The following CHD9 variants were observed in gnomAD, a reference collection of about 807,000 sequenced individuals.
CHD9 encodes ATP-dependent chromatin remodeler CHD9.
Under a neutral mutation model 316.1 loss-of-function variants are expected in CHD9, and 77 were observed. The ratio of observed to expected loss-of-function variants is 0.24; its 90% CI spans 0.20 to 0.29. The LOEUF is 0.29. CHD9 is among the 10% of genes least tolerant of loss of function. The pLI, the probability that CHD9 is intolerant of heterozygous loss-of-function variation, is 1.00. For synonymous variants in CHD9, 1,129 were observed against 1,158.3 expected, an observed-to-expected ratio of 0.97 and a Z score of 0.51; for missense variants, 2,763 against 3,438.1, an observed-to-expected ratio of 0.80 and a Z score of 4.91.
intron 3 of CHD9, among the ~76,000 whole-genome samples, chr16:53,210,076 T>C (rs2046207338): frequency 6.6e-6 from 1 of 152,148 alleles, no homozygotes; most frequent in Non-Finnish European, 1.5e-5. Context: ...AATATTTCAG[T>C]ATACGAATCA....
Position 53,261,359 on chromosome 16 carries a change from C to CTTTTTT in CHD9, c.4210-1607_4210-1602dup, listed in dbSNP as rs1195811638. Among the ~76,000 whole-genome samples, 56 of 61,882 alleles carry CTTTTTT rather than the reference C, an allele frequency of 9.0e-4. 3 individuals carry two copies. The highest frequency in any genetic ancestry group is 2.5e-3 in the South Asian group (3 of 1,208). 40.6% of individuals were successfully genotyped at this position (61,882 alleles called of 152,430 possible). On this transcript the variant is annotated intron_variant, in intron 19 of 38. Transcript: ENST00000447540. The stretch of plus-strand genomic sequence containing the variant: ...GCCTTTTAATTTTTGGTGTTTTAGA[C>CTTTTTT]TTTTTTTTTTTTTTTTTTTTTTTTT...
chr16:53,247,087 C>G (rs1365593764), intron 15 of CHD9, among the ~76,000 whole-genome samples: 1 of 152,126 alleles, frequency 6.6e-6, no homozygotes, highest in African/African-American at 2.4e-5. Context: ...TGTTTAAGAC[C>G]TTGTCTGTGT....
At chr16:53,275,180 A>G (rs2052690870) in intron 24 of CHD9, among the ~76,000 whole-genome samples, 1 of 152,030 alleles carries the variant, frequency 6.6e-6, no homozygotes, top group African/African-American at 2.4e-5. Context: ...TACAGGTGCC[A>G]TCACACCTGC....
intron 1 of CHD9, among the ~76,000 whole-genome samples, chr16:53,091,003 C>CA (rs993855415): frequency 2.2e-4 from 32 of 144,430 alleles, no homozygotes; most frequent in South Asian, 8.4e-4. Context: ...AACAGCTCAC[C>CA]CCCCCCCGAC....
chr16:53,079,247 T>C (rs1259308783), intron 1 of CHD9, among the ~76,000 whole-genome samples: 3 of 152,174 alleles, frequency 2.0e-5, no homozygotes, highest in African/African-American at 7.2e-5. Flanking sequence ...CCCAGATTGC[T>C]TTCTATTAAA....
Position 53,263,063 on chromosome 16 carries a change from A to G in CHD9, c.4286A>G (p.Lys1429Arg). Residue 1429 changes from lysine to arginine, a missense_variant, in exon 20 of 39, where the codon AAG (lysine) becomes AGG (arginine). Coordinates refer to ENST00000447540, the MANE Select transcript of CHD9 (RefSeq NM_001308319.2). ...AACTTCTGGCAAAAATGGGCTAAAA[A>G]GGCAGAAATAGATATAGAGGCCATC... is the stretch of plus-strand genomic sequence containing the variant. Reference protein sequence around the residue: ...DPNFWQKWAKKAEIDIEAISG... With the variant: ...DPNFWQKWAKRAEIDIEAISG... 3 of 1,612,856 alleles carry G rather than the reference A, an allele frequency of 1.9e-6. No individual in the cohort carries two copies. The highest frequency in any genetic ancestry group is 2.5e-6 in the Non-Finnish European group (3 of 1,179,136).
intron 8 of CHD9, among the ~76,000 whole-genome samples, chr16:53,230,659 G>A (rs915372904): frequency 5.3e-5 from 8 of 152,024 alleles, no homozygotes; most frequent in Non-Finnish European, 8.8e-5. Flanking sequence ...GTAAAGGAGC[G>A]ATATATAAGA....
At chr16:53,146,415 G>GTATATA (rs149684203) in intron 1 of CHD9, among the ~76,000 whole-genome samples, 3 of 64,428 alleles carry the variant, frequency 4.7e-5, no homozygotes, top group East Asian at 4.7e-4. Flanking sequence ...GTGTGTGTGT[G>GTATATA]TATGTATATA....
chr16:53,227,331 C>A, intron 5 of CHD9, 65 bp from the exon 6 acceptor site: 1 of 999,952 alleles, frequency 1.0e-6, no homozygotes, highest in Non-Finnish European at 1.5e-6. Context: ...CATCAACATA[C>A]AAAGTGGCAA....
chr16:53,119,119 C>A (rs1215610040), intron 1 of CHD9, among the ~76,000 whole-genome samples: 1 of 151,520 alleles, frequency 6.6e-6, no homozygotes, highest in East Asian at 1.9e-4. Context: ...AGAAGGCCCC[C>A]CAACCTGAAA....
intron 3 of CHD9, among the ~76,000 whole-genome samples, chr16:53,211,300 A>G (rs1179182050): frequency 6.6e-6 from 1 of 152,226 alleles, no homozygotes; most frequent in Non-Finnish European, 1.5e-5. Flanking sequence ...AGAGATAACT[A>G]GAAATAATTA....
At chr16:53,056,065 T>G (rs564316178) in intron 1 of CHD9, among the ~76,000 whole-genome samples, 2 of 152,342 alleles carry the variant, frequency 1.3e-5, no homozygotes, top group South Asian at 4.1e-4. Context: ...TTATGTTTGT[T>G]TGTTTTATAG....
chr16:53,199,427 A>C (rs2045241011), intron 2 of CHD9, among the ~76,000 whole-genome samples: 1 of 152,120 alleles, frequency 6.6e-6, no homozygotes, highest in South Asian at 2.1e-4. Context: ...TAAAAATTTC[A>C]CCTTTTGTTT....
intron 3 of CHD9, among the ~76,000 whole-genome samples, chr16:53,210,422 G>C (rs1027823866): frequency 1.3e-5 from 2 of 151,936 alleles, no homozygotes; most frequent in African/African-American, 4.8e-5. Flanking sequence ...TGCTCCAAGA[G>C]AATTATAAGG....
intron 1 of CHD9, chr16:53,121,226 A>G: frequency 2.5e-6 from 1 of 398,612 alleles, no homozygotes. Context: ...TCCCCTTTAA[A>G]TACTTGCTGA....
intron 1 of CHD9, among the ~76,000 whole-genome samples, chr16:53,108,902 A>T (rs2037601027): frequency 6.6e-6 from 1 of 152,120 alleles, no homozygotes; most frequent in African/African-American, 2.4e-5. Flanking sequence ...CAAAAATAAA[A>T]TAAAATAAAA....
intron 2 of CHD9, among the ~76,000 whole-genome samples, chr16:53,203,487 G>A (rs1438425232): frequency 6.6e-6 from 1 of 151,992 alleles, no homozygotes; most frequent in Non-Finnish European, 1.5e-5. Flanking sequence ...TGTCTCTCTA[G>A]GCAGATAAAC....
intron 30 of CHD9, 85 bp from the exon 31 acceptor site, chr16:53,303,635 A>G: frequency 1.0e-6 from 1 of 986,098 alleles, no homozygotes; most frequent in East Asian, 2.8e-5. Context: ...TATTGTTATA[A>G]ATATATAAAG....
At chr16:53,284,788 A>G (rs1329892752) in intron 24 of CHD9, among the ~76,000 whole-genome samples, 5 of 152,152 alleles carry the variant, frequency 3.3e-5, no homozygotes, top group East Asian at 1.9e-4. Flanking sequence ...TTTTCGAGAC[A>G]GGGTCTCATT....
Sources: allele counts gnomAD v4.1 joint callset (sites outside exome capture counted in the v4.1 genomes callset), GRCh38; gene constraint gnomAD v4.1.1; transcripts MANE v1.5; gene names NCBI Gene and HGNC (gene_info 2026-07-23, HGNC 2026-07-21).